LIN7A: variants seen among roughly 807,000 people sequenced by gnomAD.
LIN7A encodes the protein lin-7 cell polarity scaffold A, also known as protein lin-7 homolog A.
Under a neutral mutation model 29.8 loss-of-function variants are expected in LIN7A, and 25 were observed. The observed-to-expected ratio is 0.84, with a 90% CI of 0.61 to 1.17. The LOEUF is 1.17. Ranked by LOEUF, LIN7A falls within the 50% of genes most tolerant of loss-of-function variation. The pLI is 0.00. For missense variants in LIN7A, 239 were observed against 287.0 expected (o/e 0.83, Z 1.21); for synonymous variants, 118 against 107.5 (o/e 1.10, Z -0.60).
intron 2 of LIN7A, among the ~76,000 whole-genome samples, chr12:80,866,333 A>T (rs1348385782): frequency 6.6e-6 from 1 of 152,156 alleles, no homozygotes; most frequent in African/African-American, 2.4e-5. Flanking sequence ...TAAGTAATTG[A>T]CTTGGAGTTC....
chr12:80,865,322 A>C (rs867167699), intron 2 of LIN7A, among the ~76,000 whole-genome samples: 4 of 152,106 alleles, frequency 2.6e-5, no homozygotes, highest in African/African-American at 9.7e-5. Flanking sequence ...CATTTTAAAA[A>C]AAAGGTTTGT....
chr12:80,873,864 T>G (rs749962834), intron 2 of LIN7A, among the ~76,000 whole-genome samples: 74 of 151,900 alleles, frequency 4.9e-4, no homozygotes, highest in Non-Finnish European at 9.0e-4. Flanking sequence ...TGCTTTTTTT[T>G]TTTTTTCACA....
At chr12:80,898,198 A>G (rs1300113228) in intron 1 of LIN7A, among the ~76,000 whole-genome samples, 1 of 152,218 alleles carries the variant, frequency 6.6e-6, no homozygotes, top group African/African-American at 2.4e-5. Context: ...ATGGCTAGCC[A>G]GTTATAACAG....
At chr12:80,800,891 A>T (rs1870689735) in intron 5 of LIN7A, among the ~76,000 whole-genome samples, 1 of 152,156 alleles carries the variant, frequency 6.6e-6, no homozygotes, top group African/African-American at 2.4e-5. Context: ...AAGATTTAAA[A>T]ATGTTAATGA....
intron 1 of LIN7A, among the ~76,000 whole-genome samples, chr12:80,907,055 C>CTCTGTGTGTG (rs1555228957): frequency 1.7e-3 from 248 of 145,382 alleles, no homozygotes; most frequent in East Asian, 0.016. Flanking sequence ...AGTGCGTGCT[C>CTCTGTGTGTG]TGTGTGTGTG....
intron 1 of LIN7A, among the ~76,000 whole-genome samples, chr12:80,928,311 T>G (rs1434114717): frequency 6.6e-6 from 1 of 152,188 alleles, no homozygotes; most frequent in Non-Finnish European, 1.5e-5. Context: ...TGAACCAATT[T>G]ACACTCCCAC....
At chr12:80,814,849 G>A (rs1366765065) in intron 4 of LIN7A, among the ~76,000 whole-genome samples, 1 of 152,166 alleles carries the variant, frequency 6.6e-6, no homozygotes, top group Non-Finnish European at 1.5e-5. Context: ...GCTCAACAGA[G>A]TCAACAGGTC....
chr12:80,895,605 T>A (rs1033868549), intron 1 of LIN7A, among the ~76,000 whole-genome samples: 1 of 152,214 alleles, frequency 6.6e-6, no homozygotes, highest in African/African-American at 2.4e-5. Flanking sequence ...GAAAAGAGAA[T>A]GCACTTCTTT....
intron 2 of LIN7A, among the ~76,000 whole-genome samples, chr12:80,848,643 A>G (rs1168157916): frequency 6.6e-6 from 1 of 152,132 alleles, no homozygotes; most frequent in Non-Finnish European, 1.5e-5. Flanking sequence ...GAAAAAAAAA[A>G]ACTTAAAGGA....
intron 2 of LIN7A, among the ~76,000 whole-genome samples, chr12:80,864,990 C>G (rs1413490785): frequency 6.6e-6 from 1 of 152,178 alleles, no homozygotes; most frequent in Admixed American, 6.5e-5. Context: ...TAAATGCTAT[C>G]AATTCATGTA....
At chr12:80,836,257 A>T (rs558663185) in intron 4 of LIN7A, among the ~76,000 whole-genome samples, 1 of 152,168 alleles carries the variant, frequency 6.6e-6, no homozygotes, top group Non-Finnish European at 1.5e-5. Flanking sequence ...CAAATCATGG[A>T]CTTCCTTATC....
chr12:80,884,646 T>C (rs1353195037), intron 2 of LIN7A, among the ~76,000 whole-genome samples: 1 of 152,158 alleles, frequency 6.6e-6, no homozygotes, highest in Non-Finnish European at 1.5e-5. Flanking sequence ...AATTCAACTG[T>C]AGCATGCACA....
chr12:80,807,076 T>TTTTTTTTTTGTTTG (rs1330192147), intron 5 of LIN7A, among the ~76,000 whole-genome samples: 2 of 126,042 alleles, frequency 1.6e-5, no homozygotes, highest in Non-Finnish European at 3.2e-5. Context: ...TTTTTTTTTT[T>TTTTTTTTTTGTTTG]TTTTTTTTTT....
At chr12:80,852,944 TTC>T (rs1362965063) in intron 2 of LIN7A, among the ~76,000 whole-genome samples, 5 of 152,172 alleles carry the variant, frequency 3.3e-5, no homozygotes, top group African/African-American at 7.2e-5. Flanking sequence ...TTTCCCTGTC[TTC>T]TACTTCTTGT....
At chr12:80,822,898 A>C (rs1359562786) in intron 4 of LIN7A, among the ~76,000 whole-genome samples, 3 of 152,278 alleles carry the variant, frequency 2.0e-5, no homozygotes, top group Non-Finnish European at 2.9e-5. Flanking sequence ...CCTGAAGCCC[A>C]GGGGCTGGGC....
At chr12:80,854,783 CA>C (rs1406887949) in intron 2 of LIN7A, among the ~76,000 whole-genome samples, 1 of 151,542 alleles carries the variant, frequency 6.6e-6, no homozygotes, top group East Asian at 1.9e-4. Flanking sequence ...TTTTAAAAAG[CA>C]AAAAATATTT....
intron 5 of LIN7A, among the ~76,000 whole-genome samples, chr12:80,808,025 A>G (rs1871124787): frequency 6.6e-6 from 1 of 152,204 alleles, no homozygotes; most frequent in Non-Finnish European, 1.5e-5. Flanking sequence ...AGTGGCTCAC[A>G]AAGCTCTCTG....
chr12:80,869,517 G>A (rs965843916), intron 2 of LIN7A, among the ~76,000 whole-genome samples: 2 of 152,102 alleles, frequency 1.3e-5, no homozygotes, highest in African/African-American at 4.8e-5. Context: ...CTGCAGAAGT[G>A]TGGGCAGAAA....
intron 1 of LIN7A, among the ~76,000 whole-genome samples, chr12:80,917,819 G>A (rs1877100957): frequency 1.3e-5 from 2 of 151,978 alleles, no homozygotes; most frequent in South Asian, 2.1e-4. Flanking sequence ...TGAAACACAG[G>A]CCTCATTCAC....
Sources: gnomAD v4.1 joint callset for allele counts (sites outside exome capture counted in the v4.1 genomes callset) on GRCh38, gnomAD v4.1.1 for gene constraint, MANE v1.5 for transcripts, NCBI Gene and HGNC (gene_info 2026-07-23, HGNC 2026-07-21) for gene names.